PCDHGB2: variants seen among roughly 807,000 people sequenced by gnomAD.
PCDHGB2 encodes the protein protocadherin gamma subfamily B, 2, also known as protocadherin gamma-B2.
A neutral mutation model predicts 59.3 loss-of-function variants in PCDHGB2; 55 were observed. That is an observed-to-expected ratio of 0.93 (90% CI 0.75 to 1.16). PCDHGB2 has a LOEUF of 1.16. Ranked by LOEUF, PCDHGB2 falls within the 50% of genes most tolerant of loss-of-function variation. The pLI is 0.00. For missense variants in PCDHGB2, 1,228 were observed against 1,198.5 expected, an observed-to-expected ratio of 1.02 and a Z score of -0.36; for synonymous variants, 516 against 512.0, an observed-to-expected ratio of 1.01 and a Z score of -0.11.
rs191909737 is a variant in PCDHGB2 at position 141,405,622 on chromosome 5, G to A, written c.2421+43066G>A. 9.3e-3 allele frequency: 5,090 copies of A among 544,656 alleles called. 46 individuals are homozygous for A. The highest frequency in any genetic ancestry group is 0.017 in the Admixed American group (494 of 29,130). The allele number at this position is 544,656 out of a possible 1,614,324, so 33.7% of individuals were successfully genotyped here. On this transcript the variant is annotated intron_variant, in intron 1 of 3. Transcript: ENST00000522605. ...GTAGAATAACTGGGACTACAGGCAC[G>A]TGCCACCACGCCCGGCTAATTTTTT...
At chr5:141,467,178 A>C (rs1344437465) in intron 1 of PCDHGB2, among the ~76,000 whole-genome samples, 1 of 151,604 alleles carries the variant, frequency 6.6e-6, no homozygotes, top group Non-Finnish European at 1.5e-5. Flanking sequence ...TCAGCCTCCC[A>C]AGTAGCTGGG....
At position 141,361,720 on chromosome 5, in the gene PCDHGB2, G is replaced by C; in HGVS notation, c.1585G>C (p.Glu529Gln). ...CGATCATGAGCAGCTGCGCGCCTTC[G>C]AGCTCACACTGCAGGCCCGCGACCA... ...AFDHEQLRAF[E>Q]LTLQARDQGS... is the part of the protein sequence containing the mutation. Residue 529 changes from glutamate to glutamine, a missense_variant, in exon 1 of 4, where the codon GAG becomes CAG. Physicochemically the swap from Glu to Gln is conservative, Grantham distance 29 (BLOSUM62 2). Around this residue, in one of 3 missense-constraint regions of PCDHGB2, gnomAD observed 781 missense variants for 721.6 expected, o/e 1.08. Coordinates refer to ENST00000522605, the MANE Select transcript of PCDHGB2 (RefSeq NM_018923.3). The C allele has an allele frequency of 5.0e-6, 8 of 1,613,318 alleles. No individual in the cohort carries two copies. The highest frequency in any genetic ancestry group is 5.9e-6 in the Non-Finnish European group (7 of 1,179,850).
rs187495695 is a variant in PCDHGB2, at chr5:141,486,508, T to G, written c.2422-8299T>G. The G allele has an allele frequency of 9.3e-6, 15 of 1,614,172 alleles. No homozygotes were observed. In the Admixed American group the frequency reaches 2.5e-4, roughly 27 times the overall value. The stretch of plus-strand genomic sequence containing the variant: ...CCCACAGAACTATTTTCCTCAATAT[T>G]TCAGATGTGAATGATAATCCACCCT... On this transcript the variant is annotated intron_variant, in intron 1 of 3. Coordinates refer to ENST00000522605, the MANE Select transcript of PCDHGB2 (RefSeq NM_018923.3). The surrounding 1 kb of genome is among the most constrained non-coding windows in gnomAD (Gnocchi z 5.0).
intron 1 of PCDHGB2, among the ~76,000 whole-genome samples, chr5:141,459,692 G>A (rs891511502): frequency 2.6e-5 from 4 of 152,134 alleles, no homozygotes; most frequent in African/African-American, 9.7e-5. Flanking sequence ...AAAGCGTTCC[G>A]CTTGCTACAT....
At chr5:141,502,472 A>T (rs1450967250) in intron 2 of PCDHGB2, among the ~76,000 whole-genome samples, 1 of 150,886 alleles carries the variant, frequency 6.6e-6, no homozygotes, top group Non-Finnish European at 1.5e-5. Flanking sequence ...TACTTCCCGC[A>T]GCATCACACT....
At position 141,400,101 on chromosome 5, in the gene PCDHGB2, G is replaced by A. The variant is rs778391200; in HGVS notation, c.2421+37545G>A. The A allele has an allele frequency of 8.1e-6, 13 of 1,613,948 alleles. No homozygotes were observed. The East Asian group carries it at 2.9e-4, about 36-fold the overall frequency. ...TCTCCGCCACCGCCACGCTGCACTT[G>A]GTCTTTGCTGACAGCTTGCAGGAGG... On this transcript the variant is annotated intron_variant, in intron 1 of 3. Coordinates refer to ENST00000522605, the MANE Select transcript of PCDHGB2 (RefSeq NM_018923.3).
chr5:141,371,111 C>T (rs748436182), intron 1 of PCDHGB2: 1 of 1,613,898 alleles, frequency 6.2e-7, no homozygotes, highest in African/African-American at 1.3e-5. Flanking sequence ...ATGATAACCC[C>T]CCAGTATTTA....
intron 1 of PCDHGB2, among the ~76,000 whole-genome samples, chr5:141,448,287 C>G (rs1394399947): frequency 6.6e-6 from 1 of 152,130 alleles, no homozygotes; most frequent in Non-Finnish European, 1.5e-5. Flanking sequence ...GCAACTTGCT[C>G]TTTCCACTTA....
At chr5:141,382,816 T>G (rs1778462841) in intron 1 of PCDHGB2, 1 of 1,275,448 alleles carries the variant, frequency 7.8e-7, no homozygotes, top group Non-Finnish European at 1.1e-6. Context: ...CTCCCCTTCC[T>G]AAGACAGAGG....
intron 1 of PCDHGB2, among the ~76,000 whole-genome samples, chr5:141,472,346 C>G (rs1393301393): frequency 6.6e-6 from 1 of 151,722 alleles, no homozygotes; most frequent in Non-Finnish European, 1.5e-5. Flanking sequence ...TCGAGACCAT[C>G]CTGGCTAACA....
intron 1 of PCDHGB2, chr5:141,415,029 G>C (rs777967290): frequency 6.2e-7 from 1 of 1,613,552 alleles, no homozygotes; most frequent in South Asian, 1.1e-5. Flanking sequence ...CCAGCGAGCC[G>C]GGACTCTTCG....
chr5:141,371,138 G>C lies in PCDHGB2; in HGVS notation c.2421+8582G>C, dbSNP rs761615775. 4.3e-6 allele frequency: 7 copies of C among 1,613,870 alleles called. No individual in the cohort carries two copies. In the East Asian group the frequency reaches 1.6e-4, roughly 36 times the overall value. On this transcript the variant is annotated intron_variant, in intron 1 of 3. Transcript: ENST00000522605. ...CAGTATTTACTCAGGACATGTACAG[G>C]GTCAATGTTGCAGAGAACCTGCCCG...
rs1168799961 is a variant in PCDHGB2, at chr5:141,487,844, A to G, written c.2422-6963A>G. ...CGGGTCATGCCTATATCTGAGTAAG[A>G]AATGAAAGTAATTGGTGATCAAGAG... On this transcript the variant is annotated intron_variant, in intron 1 of 3. Coordinates refer to ENST00000522605, the MANE Select transcript of PCDHGB2 (RefSeq NM_018923.3). The surrounding 1 kb of genome is among the most constrained non-coding windows in gnomAD (Gnocchi z 5.0). 2 of 1,043,076 alleles carry G rather than the reference A, an allele frequency of 1.9e-6. No homozygotes were observed. Among genetic ancestry groups the G allele is most frequent in the Non-Finnish European group, 2.7e-6 (2 of 730,916 alleles). The allele number at this position is 1,043,076 out of a possible 1,614,324, so 64.6% of individuals were successfully genotyped here.
chr5:141,394,211 G>A, intron 1 of PCDHGB2: 1 of 1,613,888 alleles, frequency 6.2e-7, no homozygotes, highest in Non-Finnish European at 8.5e-7. Flanking sequence ...AGAACAACCT[G>A]AGAGGAGCCT....
chr5:141,376,542 C>A, intron 1 of PCDHGB2: 1 of 1,612,918 alleles, frequency 6.2e-7, no homozygotes, highest in Non-Finnish European at 8.5e-7. Flanking sequence ...GAAGAGTAAT[C>A]TGATCTTCCC....
chr5:141,371,424 G>GC, intron 1 of PCDHGB2: 1 of 1,613,946 alleles, frequency 6.2e-7, no homozygotes. Flanking sequence ...AAATGACAAT[G>GC]CCCCGGAGAT....
chr5:141,392,548 T>C (rs1252345592), intron 1 of PCDHGB2: 1 of 344,860 alleles, frequency 2.9e-6, no homozygotes, highest in African/African-American at 2.1e-5. Context: ...AAGTAATCTG[T>C]ATCTCAGTGC....
At chr5:141,393,405 C>G (rs777100284) in intron 1 of PCDHGB2, 1 of 1,613,914 alleles carries the variant, frequency 6.2e-7, no homozygotes, top group Admixed American at 1.7e-5. Flanking sequence ...GGTGCTGGAG[C>G]GCGCCCTGGA....
chr5:141,478,336 C>T, intron 1 of PCDHGB2: 2 of 1,613,950 alleles, frequency 1.2e-6, no homozygotes, highest in South Asian at 2.2e-5. Context: ...CACCAGGGCC[C>T]TCCTTGCACG....
Sources: allele counts gnomAD v4.1 joint callset (sites outside exome capture counted in the v4.1 genomes callset), GRCh38; gene constraint gnomAD v4.1.1; regional missense constraint gnomAD v4.1.1; non-coding constraint Gnocchi (gnomAD v3.1); transcripts MANE v1.5; gene names NCBI Gene and HGNC (gene_info 2026-07-23, HGNC 2026-07-21).